MAN2B2: variants seen among roughly 807,000 people sequenced by gnomAD.
MAN2B2 encodes the protein mannosidase alpha class 2B member 2, also known as epididymis-specific alpha-mannosidase.
A neutral mutation model predicts 117.1 loss-of-function variants in MAN2B2; 106 were observed. That is an observed-to-expected ratio of 0.90 (90% CI 0.77 to 1.06). The LOEUF is 1.06. Among genes scored for constraint, MAN2B2 ranks in the 50% least tolerant of loss-of-function variants. The pLI is 0.00. For missense variants in MAN2B2, 1,326 were observed against 1,381.4 expected (o/e 0.96, Z 0.64); for synonymous variants, 544 against 595.1 (o/e 0.91, Z 1.25).
At position 6,587,068 on chromosome 4, in the gene MAN2B2, C is replaced by T; in HGVS notation, c.464C>T (p.Ala155Val). Reference sequence around the variant, plus strand: ...TCCTGGCACGTTGACCCGTTTGGCGCCTCTGCCACGACGCCCACCCTATTT... The same window carrying T: ...TCCTGGCACGTTGACCCGTTTGGCGTCTCTGCCACGACGCCCACCCTATTT... Reference protein sequence around the residue: ...QFSWHVDPFGASATTPTLFAL... With the variant: ...QFSWHVDPFGVSATTPTLFAL... The change falls in exon 4 of 19, where the codon GCC (alanine) becomes GTC (valine). Residue 155 changes from alanine (A) to valine (V), a missense_variant. Transcript: ENST00000285599. The T allele has an allele frequency of 6.2e-7, 1 of 1,614,082 alleles. No individual in the cohort carries two copies. Among genetic ancestry groups the T allele is most frequent in the Middle Eastern group, 1.6e-4 (1 of 6,062 alleles).
chr4:6,609,371 G>A, intron 12 of MAN2B2, 73 bp downstream of exon 12: 1 of 1,469,060 alleles, frequency 6.8e-7, no homozygotes, highest in South Asian at 1.3e-5. Context: ...CAGTGAATGA[G>A]GGTCTGTCTT....
intron 17 of MAN2B2, chr4:6,619,677 C>T: frequency 2.4e-6 from 1 of 421,996 alleles, no homozygotes; most frequent in Non-Finnish European, 4.4e-6. Flanking sequence ...CGGGCTGCTC[C>T]TCCAGCTCGG....
At chr4:6,602,470 C>A (rs1470709153) in intron 10 of MAN2B2, among the ~76,000 whole-genome samples, 1 of 152,102 alleles carries the variant, frequency 6.6e-6, no homozygotes, top group Non-Finnish European at 1.5e-5. Flanking sequence ...TTCTTGAGGG[C>A]AGCACCCTCC....
chr4:6,587,023 T>A lies in MAN2B2; in HGVS notation c.419T>A (p.Phe140Tyr). The A allele has an allele frequency of 6.2e-7, 1 of 1,613,982 alleles. No individual in the cohort carries two copies. The highest frequency in any genetic ancestry group is 8.5e-7 in the Non-Finnish European group (1 of 1,179,974). The change falls in exon 4 of 19, where the codon TTT becomes TAT. Residue 140 changes from phenylalanine (F) to tyrosine (Y), a missense_variant. Physicochemically the swap from Phe to Tyr is conservative, Grantham distance 22. Coordinates refer to ENST00000285599, the MANE Select transcript of MAN2B2 (RefSeq NM_015274.3). Reference protein sequence around the residue: ...TEGHGFLYETFGIRPQFSWHV... With the variant: ...TEGHGFLYETYGIRPQFSWHV... The stretch of plus-strand genomic sequence containing the variant: ...GGACACGGGTTTCTCTATGAAACAT[T>A]TGGGATCCGGCCACAGTTCTCCTGG...
rs766093647 is a variant in MAN2B2, at chr4:6,600,750, C to T, written c.1533C>T (p.Pro511=). 13 of 1,613,450 alleles carry T rather than the reference C, an allele frequency of 8.1e-6. No homozygotes were observed. In the South Asian group the frequency reaches 1.4e-4, roughly 18 times the overall value. Residue 511 remains proline, a synonymous_variant, in exon 10 of 19, where the codon CCC becomes CCT. Coordinates refer to ENST00000285599, the MANE Select transcript of MAN2B2 (RefSeq NM_015274.3). The stretch of plus-strand genomic sequence containing the variant: ...CAGATGAGGCGGGCCACCCAGTGCC[C>T]TCGCAGGTATGGACACAAAATCCTG... ...RVTDEAGHPV[P]SQIQNSTETP...
At position 6,594,579 on chromosome 4, in the gene MAN2B2, A is replaced by G. The variant is rs1726992948; in HGVS notation, c.904A>G (p.Met302Val). The G allele has an allele frequency of 6.2e-7, 1 of 1,613,594 alleles. No homozygotes were observed. The highest frequency in any genetic ancestry group is 1.1e-5 in the South Asian group (1 of 91,086). Residue 302 changes from methionine (M) to valine (V), a missense_variant, in exon 7 of 19, where the codon ATG becomes GTG. Met to Val is a conservative substitution (Grantham distance 21). Transcript: ENST00000285599. ...CAATGCCTCGGTGCAGTTTGCCAACATGGACCCGCTGCTGGACCACATCAA... is the reference window on the plus strand; with the variant it reads ...CAATGCCTCGGTGCAGTTTGCCAACGTGGACCCGCTGCTGGACCACATCAA... ...FFNASVQFANMDPLLDHINSH... is the reference protein window; with the variant it reads ...FFNASVQFANVDPLLDHINSH...
chr4:6,575,498 GT>G (rs1726023415), intron 1 of MAN2B2, 150 bp downstream of exon 1: 2 of 538,938 alleles, frequency 3.7e-6, no homozygotes, highest in Middle Eastern at 4.8e-4. Context: ...GACTGGTTGC[GT>G]CGCTAACTTC....
Position 6,589,061 on chromosome 4 carries a change from G to A in MAN2B2, c.581G>A (p.Trp194Ter), listed in dbSNP as rs761623276. The A allele has an allele frequency of 1.7e-4, 279 of 1,613,876 alleles. 4 individuals carry two copies. In the East Asian group the frequency reaches 5.8e-3, roughly 33 times the overall value. Residue 194 changes from tryptophan (W) to a stop codon, truncating the protein, a stop_gained, in exon 5 of 19, where the codon TGG becomes TAG. Transcript: ENST00000285599. LOFTEE classifies it high-confidence loss of function. ...GGTTTGCAGGGGCTGCAGTTCGTGT[G>A]GCGAGGGTCCCCATCCCTCTCAGAG... The part of the protein sequence containing the change: ...MQEARGLQFV[W>*]RGSPSLSERQ...
Position 6,594,527 on chromosome 4 carries a change from C to T in MAN2B2, c.859-7C>T, listed in dbSNP as rs779750189. On this transcript the variant is annotated splice_polypyrimidine_tract_variant and splice_region_variant and intron_variant, in intron 6 of 18. Transcript: ENST00000285599. ...CGGCACAGGATGTTGCTCCCATGTCCCTGCAGGGATGTGACAAGCAGTTCT... is the reference window on the plus strand; with the variant it reads ...CGGCACAGGATGTTGCTCCCATGTCTCTGCAGGGATGTGACAAGCAGTTCT... 6.2e-7 allele frequency: 1 copy of T among 1,612,052 alleles called. No homozygotes were observed. The highest frequency in any genetic ancestry group is 8.5e-7 in the Non-Finnish European group (1 of 1,179,968).
intron 7 of MAN2B2, among the ~76,000 whole-genome samples, chr4:6,596,860 C>G (rs1727110476): frequency 6.6e-6 from 1 of 152,240 alleles, no homozygotes; most frequent in Non-Finnish European, 1.5e-5. Context: ...CCACCTGCCC[C>G]AGTGCAGCCT....
rs761215324 is a variant in MAN2B2 at position 6,621,247 on chromosome 4, G to C, written c.2992G>C (p.Glu998Gln). The change falls in exon 19 of 19, where the codon GAA becomes CAA. Residue 998 changes from glutamate to glutamine, a missense_variant. Physicochemically the swap from Glu to Gln is conservative, Grantham distance 29. Coordinates refer to ENST00000285599, the MANE Select transcript of MAN2B2 (RefSeq NM_015274.3). ...GGPIITVHPK[E>Q]IRTFFIHFQQ... Reference sequence around the variant, plus strand: ...CCCCATCATCACCGTCCACCCAAAGGAAATCCGGACGTTCTTTATTCACTT... The same window carrying C: ...CCCCATCATCACCGTCCACCCAAAGCAAATCCGGACGTTCTTTATTCACTT... 6.2e-7 allele frequency: 1 copy of C among 1,613,982 alleles called. No individual in the cohort carries two copies. Among genetic ancestry groups the C allele is most frequent in the African/African-American group, 1.3e-5 (1 of 74,918 alleles).
At chr4:6,578,045 G>A (rs1054119318) in intron 2 of MAN2B2, among the ~76,000 whole-genome samples, 1 of 152,220 alleles carries the variant, frequency 6.6e-6, no homozygotes, top group Non-Finnish European at 1.5e-5. Flanking sequence ...GGGATGTTAA[G>A]CAAATAGGTT....
intron 5 of MAN2B2, 37 bp downstream of exon 5, chr4:6,589,197 C>CCCTGCTGTCTG: frequency 2.0e-6 from 3 of 1,494,642 alleles, no homozygotes; most frequent in Non-Finnish European, 2.8e-6. Flanking sequence ...GGATCTCAGA[C>CCCTGCTGTCTG]AGCAGGGTCT....
At position 6,575,219 on chromosome 4, in the gene MAN2B2, G is replaced by T. The variant is rs1166869323; in HGVS notation, c.9G>T (p.Gln3His). 1.3e-6 allele frequency: 2 copies of T among 1,504,516 alleles called. No homozygotes were observed. The highest frequency in any genetic ancestry group is 1.2e-5 in the South Asian group (1 of 83,382). 93.2% of individuals were successfully genotyped at this position (1,504,516 alleles called of 1,614,324 possible). MG[Q>H]LCWLPLLAPL... ...CCCGGCCTGCCGCAGGGATGGGGCA[G>T]CTGTGCTGGCTGCCGCTGCTGGCAC... The change falls in exon 1 of 19, where the codon CAG becomes CAT. Residue 3 changes from glutamine to histidine, a missense_variant. Physicochemically the swap from Gln to His is conservative, Grantham distance 24. Coordinates refer to ENST00000285599, the MANE Select transcript of MAN2B2 (RefSeq NM_015274.3).
intron 17 of MAN2B2, chr4:6,617,696 T>C (rs1192832692): frequency 8.6e-6 from 8 of 934,900 alleles, no homozygotes; most frequent in African/African-American, 1.7e-5. Flanking sequence ...TTTGTGTATA[T>C]GTGAGACAGG....
rs542856452 is a variant in MAN2B2, at chr4:6,576,598, C to T, written c.159C>T (p.Ala53=). Residue 53 remains alanine (A), a synonymous_variant, in exon 2 of 19, where the codon GCC becomes GCT. Coordinates refer to ENST00000285599, the MANE Select transcript of MAN2B2 (RefSeq NM_015274.3). The part of the protein sequence containing the change: ...YTVQESMRAY[A]ANVYTSVVEE... ...CCCAGGAAAGCATGCGGGCGTACGC[C>T]GCCAATGTCTACACCTCAGTGGTGG... 1.2e-5 allele frequency: 19 copies of T among 1,613,384 alleles called. No homozygotes were observed. The African/African-American group carries it at 1.7e-4, about 15-fold the overall frequency.
chr4:6,581,589 G>A (rs1308199036), intron 3 of MAN2B2, among the ~76,000 whole-genome samples: 3 of 151,948 alleles, frequency 2.0e-5, no homozygotes, highest in Non-Finnish European at 4.4e-5. Flanking sequence ...AAGAGGGGCT[G>A]GATCACCCCT....
Position 6,610,993 on chromosome 4 carries a change from A to G in MAN2B2, c.2370+3A>G. 1 of 1,614,144 alleles carries G rather than the reference A, an allele frequency of 6.2e-7. No individual in the cohort carries two copies. Among genetic ancestry groups the G allele is most frequent in the Non-Finnish European group, 8.5e-7 (1 of 1,180,004 alleles). On this transcript the variant is annotated splice_donor_region_variant and intron_variant, in intron 14 of 18. Coordinates refer to ENST00000285599, the MANE Select transcript of MAN2B2 (RefSeq NM_015274.3). ...GCCAAGGGAATGGGCAGGTGGAGGTAGGAGGCACGGTCTGTCCTACAGCAG... is the reference window on the plus strand; with the variant it reads ...GCCAAGGGAATGGGCAGGTGGAGGTGGGAGGCACGGTCTGTCCTACAGCAG...
intron 10 of MAN2B2, among the ~76,000 whole-genome samples, chr4:6,604,692 G>C (rs181504024): frequency 2.0e-5 from 3 of 152,116 alleles, no homozygotes; most frequent in African/African-American, 7.2e-5. Flanking sequence ...AGCTGTATTC[G>C]TGGATCTCGG....
Sources: gnomAD v4.1 joint callset for allele counts (sites outside exome capture counted in the v4.1 genomes callset) on GRCh38, gnomAD v4.1.1 for gene constraint, MANE v1.5 for transcripts, NCBI Gene and HGNC (gene_info 2026-07-23, HGNC 2026-07-21) for gene names.